Variants in NKAIN2 observed in about 807,000 individuals in gnomAD.
NKAIN2 encodes the protein sodium/potassium-transporting ATPase subunit beta-1-interacting protein 2.
A neutral mutation model predicts 32.6 loss-of-function variants in NKAIN2; 14 were observed. The ratio of observed to expected loss-of-function variants is 0.43; its 90% CI spans 0.28 to 0.67. The LOEUF is 0.67. Among genes scored for constraint, NKAIN2 ranks in the 30% least tolerant of loss-of-function variants. The pLI is 0.17. For synonymous variants in NKAIN2, 80 were observed against 87.2 expected, an observed-to-expected ratio of 0.92 and a Z score of 0.46; for missense variants, 198 against 258.3, an observed-to-expected ratio of 0.77 and a Z score of 1.60.
intron 3 of NKAIN2, among the ~76,000 whole-genome samples, chr6:124,436,537 C>A (rs1037836667): frequency 1.3e-5 from 2 of 152,010 alleles, no homozygotes; most frequent in African/African-American, 4.8e-5. Flanking sequence ...AACATAGAAA[C>A]GTATTTGAAT....
intron 5 of NKAIN2, among the ~76,000 whole-genome samples, chr6:124,807,183 T>C (rs1044344332): frequency 5.3e-5 from 8 of 152,220 alleles, no homozygotes; most frequent in South Asian, 4.2e-4. Flanking sequence ...CAACAGAATA[T>C]ACATTTTTTT....
Position 124,037,461 on chromosome 6 carries a change from G to T in NKAIN2, c.54+233207G>T, listed in dbSNP as rs531877822. On this transcript the variant is annotated intron_variant, in intron 1 of 6. Transcript: ENST00000368417. ...TATTTCCCATATGTCATTTTTTTCT[G>T]TCAGAGTCTTCAGTTATTGGTTCCT... is the stretch of plus-strand genomic sequence containing the variant. Among the ~76,000 whole-genome samples, 9 of 151,902 alleles carry T rather than the reference G, an allele frequency of 5.9e-5. No individual in the cohort carries two copies. In the South Asian group the frequency reaches 1.9e-3, roughly 32 times the overall value.
intron 4 of NKAIN2, among the ~76,000 whole-genome samples, chr6:124,706,997 C>A (rs141402967): frequency 5.9e-5 from 8 of 135,148 alleles, no homozygotes; most frequent in South Asian, 5.5e-4. Flanking sequence ...CCCCTCCCCC[C>A]ACCCCACCAC....
chr6:123,857,432 A>G (rs1775598566), intron 1 of NKAIN2, among the ~76,000 whole-genome samples: 1 of 152,238 alleles, frequency 6.6e-6, no homozygotes, highest in Admixed American at 6.5e-5. Context: ...ATGGTTCATA[A>G]TAGCACCAAT....
chr6:124,198,158 T>C (rs1228287079), intron 1 of NKAIN2, among the ~76,000 whole-genome samples: 3 of 152,074 alleles, frequency 2.0e-5, no homozygotes, highest in Non-Finnish European at 4.4e-5. Flanking sequence ...TTTTGCCATG[T>C]ACCACGTGAA....
chr6:124,102,816 A>G (rs1275130861), intron 1 of NKAIN2, among the ~76,000 whole-genome samples: 1 of 152,200 alleles, frequency 6.6e-6, no homozygotes, highest in African/African-American at 2.4e-5. Flanking sequence ...AATGTTTCAA[A>G]TATGTAATTC....
chr6:123,924,566 C>A (rs927921330), intron 1 of NKAIN2, among the ~76,000 whole-genome samples: 3 of 151,968 alleles, frequency 2.0e-5, no homozygotes, highest in Non-Finnish European at 2.9e-5. Context: ...ATTTATGGCC[C>A]ATGGACTTAT....
At chr6:123,853,038 T>C (rs1325005237) in intron 1 of NKAIN2, among the ~76,000 whole-genome samples, 2 of 152,246 alleles carry the variant, frequency 1.3e-5, no homozygotes, top group African/African-American at 4.8e-5. Context: ...AGTATCATCA[T>C]TGATGTTTCC....
At chr6:124,002,514 T>G (rs1779921633) in intron 1 of NKAIN2, among the ~76,000 whole-genome samples, 1 of 152,078 alleles carries the variant, frequency 6.6e-6, no homozygotes, top group Non-Finnish European at 1.5e-5. Flanking sequence ...AATGTCTCCT[T>G]GGGTATTATC....
intron 4 of NKAIN2, among the ~76,000 whole-genome samples, chr6:124,761,673 C>CCT (rs1229319960): frequency 6.6e-6 from 1 of 152,138 alleles, no homozygotes; most frequent in African/African-American, 2.4e-5. Context: ...TCTTTGACAT[C>CCT]CTCTAACATA....
intron 4 of NKAIN2, among the ~76,000 whole-genome samples, chr6:124,670,645 C>CTCTGTGTGTGTGTGTGTG (rs1436735758): frequency 8.1e-6 from 1 of 123,798 alleles, no homozygotes; most frequent in South Asian, 2.9e-4. Flanking sequence ...TCTTTGCTTT[C>CTCTGTGTGTGTGTGTGTG]TGTGTGTGTG....
chr6:123,819,615 GGAA>G lies in NKAIN2; in HGVS notation c.54+15368_54+15370del, dbSNP rs573632470. On this transcript the variant is annotated intron_variant, in intron 1 of 6. Coordinates refer to ENST00000368417, the MANE Select transcript of NKAIN2 (RefSeq NM_001040214.3). ...CTTGCTAATTTAAAGAAAAGTGGAA[GGAA>G]GAAGAACAGCTCCCAATTAAAGCAA... 7.0e-3 allele frequency among the ~76,000 whole-genome samples: 1,069 copies of G among 152,308 alleles called. 11 individuals are homozygous for G. Among genetic ancestry groups the G allele is most frequent in the Middle Eastern group, 0.017 (5 of 294 alleles).
At chr6:124,473,279 G>A (rs1040180247) in intron 3 of NKAIN2, among the ~76,000 whole-genome samples, 3 of 152,200 alleles carry the variant, frequency 2.0e-5, no homozygotes, top group Non-Finnish European at 2.9e-5. Context: ...TGGGAGATGA[G>A]AGTTGACCAG....
intron 1 of NKAIN2, among the ~76,000 whole-genome samples, chr6:124,189,538 A>G (rs1789913031): frequency 6.6e-6 from 1 of 152,078 alleles, no homozygotes; most frequent in Non-Finnish European, 1.5e-5. Context: ...TCTCTACGAA[A>G]AATACAAAAA....
At chr6:124,609,632 C>G (rs1343919760) in intron 3 of NKAIN2, among the ~76,000 whole-genome samples, 4 of 152,066 alleles carry the variant, frequency 2.6e-5, no homozygotes, top group Non-Finnish European at 4.4e-5. Flanking sequence ...TCCTCCCCTG[C>G]CTCTCCCACT....
At chr6:124,174,605 G>A (rs1034008834) in intron 1 of NKAIN2, among the ~76,000 whole-genome samples, 7 of 152,080 alleles carry the variant, frequency 4.6e-5, no homozygotes, top group Admixed American at 4.6e-4. Flanking sequence ...CTAATTCCTA[G>A]CACTCCTATT....
intron 3 of NKAIN2, among the ~76,000 whole-genome samples, chr6:124,497,043 G>C (rs56874458): frequency 0.011 from 1,674 of 152,154 alleles, 35 homozygotes; most frequent in African/African-American, 0.039. Flanking sequence ...TAACCACTCC[G>C]GGGTGCCCAG....
In NKAIN2 at chr6:124,108,116, G is replaced by A. The variant is rs570265824; in HGVS notation, c.55-174889G>A. Among the ~76,000 whole-genome samples the A allele has an allele frequency of 3.3e-5, 5 of 152,178 alleles. No individual in the cohort carries two copies. In the South Asian group the frequency reaches 8.3e-4, roughly 25 times the overall value. On this transcript the variant is annotated intron_variant, in intron 1 of 6. Coordinates refer to ENST00000368417, the MANE Select transcript of NKAIN2 (RefSeq NM_001040214.3). Reference sequence around the variant, plus strand: ...CCCCACACTGTTTGCCATAGAAGATGCACTGTTTTACATTCCCATCCACAG... The same window carrying A: ...CCCCACACTGTTTGCCATAGAAGATACACTGTTTTACATTCCCATCCACAG...
intron 3 of NKAIN2, among the ~76,000 whole-genome samples, chr6:124,541,499 A>C (rs145213459): frequency 5.0e-4 from 76 of 152,326 alleles, no homozygotes; most frequent in African/African-American, 1.8e-3. Context: ...CATAATAATA[A>C]AATACAATTT....
Sources: gnomAD v4.1 joint callset for allele counts (sites outside exome capture counted in the v4.1 genomes callset) on GRCh38, gnomAD v4.1.1 for gene constraint, MANE v1.5 for transcripts, NCBI Gene and HGNC (gene_info 2026-07-23, HGNC 2026-07-21) for gene names.